The following OPCML variants were observed in gnomAD, a reference collection of about 807,000 sequenced individuals.
OPCML encodes the protein opioid binding protein/cell adhesion molecule like.
OPCML carries 13 observed loss-of-function variants against 37.8 expected under a neutral mutation model. The observed-to-expected ratio is 0.34, with a 90% confidence interval of 0.22 to 0.55. The LOEUF (loss-of-function observed/expected upper bound fraction) is 0.55. OPCML is among the 20% of genes least tolerant of loss of function. OPCML has a pLI of 0.91. For synonymous variants in OPCML, 176 were observed against 168.8 expected (o/e 1.04, Z -0.33); for missense variants, 341 against 435.6 (o/e 0.78, Z 1.93).
chr11:132,662,761 T>A (rs1942039100), intron 2 of OPCML, among the ~76,000 whole-genome samples: 1 of 152,222 alleles, frequency 6.6e-6, no homozygotes, highest in African/African-American at 2.4e-5. Flanking sequence ...ATAAGATGCA[T>A]GTCCGAAAAT....
chr11:132,530,482 G>A (rs2096321628), intron 3 of OPCML, among the ~76,000 whole-genome samples: 1 of 151,750 alleles, frequency 6.6e-6, no homozygotes, highest in Admixed American at 6.6e-5. Context: ...TTCCCTACAT[G>A]TAACCAGAGC....
intron 2 of OPCML, among the ~76,000 whole-genome samples, chr11:132,930,052 A>G (rs1945146515): frequency 6.6e-6 from 1 of 152,170 alleles, no homozygotes; most frequent in African/African-American, 2.4e-5. Context: ...AGCACTGGGC[A>G]TTCTACCTGA....
chr11:132,924,147 G>A lies in OPCML; in HGVS notation c.146+18779C>T, dbSNP rs1565968673. Reference sequence around the variant, plus strand: ...AAACTATGTGTGTGTGTGTGTGTGTGTGTATGTGAAGAGGGACAGAGAGAA... The same window carrying A: ...AAACTATGTGTGTGTGTGTGTGTGTATGTATGTGAAGAGGGACAGAGAGAA... On this transcript the variant is annotated intron_variant, in intron 2 of 7. Coordinates refer to ENST00000524381, the MANE Select transcript of OPCML (RefSeq NM_001012393.5). Among the ~76,000 whole-genome samples the A allele has an allele frequency of 4.0e-5, 6 of 151,854 alleles. No individual in the cohort carries two copies. The South Asian group carries it at 1.0e-3, about 26-fold the overall frequency.
intron 1 of OPCML, among the ~76,000 whole-genome samples, chr11:133,274,285 G>A (rs940779753): frequency 6.6e-6 from 1 of 152,154 alleles, no homozygotes; most frequent in Non-Finnish European, 1.5e-5. Flanking sequence ...ATAGAGTCTT[G>A]GCAGATGTGA....
intron 1 of OPCML, among the ~76,000 whole-genome samples, chr11:133,217,859 C>A (rs1265374219): frequency 6.6e-6 from 1 of 152,066 alleles, no homozygotes; most frequent in Admixed American, 6.6e-5. Context: ...GCCTGGGCAG[C>A]ATAGGGAGAA....
chr11:133,200,675 A>G (rs951593418), intron 1 of OPCML, among the ~76,000 whole-genome samples: 12 of 152,248 alleles, frequency 7.9e-5, no homozygotes, highest in African/African-American at 2.7e-4. Flanking sequence ...GCCAAATTAC[A>G]ACTTATTTTT....
intron 2 of OPCML, among the ~76,000 whole-genome samples, chr11:132,701,765 TG>T (rs1555176614): frequency 1.0e-4 from 1 of 9,622 alleles, no homozygotes; most frequent in East Asian, 8.0e-4. Context: ...TTGATGATTG[TG>T]TGTGTGTGTG....
At chr11:132,583,431 C>T (rs376711522) in intron 3 of OPCML, among the ~76,000 whole-genome samples, 7 of 151,964 alleles carry the variant, frequency 4.6e-5, no homozygotes, top group Admixed American at 2.6e-4. Context: ...CCTGAGAAAC[C>T]GGGTCTACAG....
At chr11:132,587,522 C>A (rs1281894233) in intron 3 of OPCML, among the ~76,000 whole-genome samples, 1 of 152,200 alleles carries the variant, frequency 6.6e-6, no homozygotes, top group East Asian at 1.9e-4. Flanking sequence ...CTCCCCCAGC[C>A]CACACCAGTG....
intron 2 of OPCML, among the ~76,000 whole-genome samples, chr11:132,807,346 A>T (rs1939076997): frequency 6.6e-6 from 1 of 152,168 alleles, no homozygotes; most frequent in African/African-American, 2.4e-5. Flanking sequence ...ATCACTAGAG[A>T]TCTCCCAAAT....
chr11:133,494,796 C>T (rs1402481072), intron 1 of OPCML, among the ~76,000 whole-genome samples: 7 of 148,550 alleles, frequency 4.7e-5, no homozygotes, highest in Non-Finnish European at 1.0e-4. Flanking sequence ...GGGTGCAGCA[C>T]ACCAACATGG....
intron 2 of OPCML, among the ~76,000 whole-genome samples, chr11:132,738,607 G>C (rs1257464730): frequency 6.6e-6 from 1 of 152,182 alleles, no homozygotes; most frequent in African/African-American, 2.4e-5. Context: ...AGTTTGGGCT[G>C]TGCTCCCTTC....
chr11:132,650,982 C>CAAAG (rs59824421), intron 3 of OPCML, among the ~76,000 whole-genome samples: 1,609 of 152,218 alleles, frequency 0.011, 30 homozygotes, highest in African/African-American at 0.035. Flanking sequence ...AGATTGCTTA[C>CAAAG]AAAGAGTTGA....
chr11:133,451,755 T>C (rs1490948954), intron 1 of OPCML, among the ~76,000 whole-genome samples: 3 of 150,824 alleles, frequency 2.0e-5, no homozygotes, highest in Non-Finnish European at 4.4e-5. Context: ...GGCAGGAGAA[T>C]TGCTTGAACC....
At chr11:132,980,559 T>G (rs1393639653) in intron 1 of OPCML, among the ~76,000 whole-genome samples, 1 of 152,212 alleles carries the variant, frequency 6.6e-6, no homozygotes, top group Non-Finnish European at 1.5e-5. Context: ...TGCCTTGTAA[T>G]GAAGTGTTAG....
intron 2 of OPCML, among the ~76,000 whole-genome samples, chr11:132,708,796 T>C (rs1427207201): frequency 1.3e-5 from 2 of 152,164 alleles, no homozygotes; most frequent in East Asian, 1.9e-4. Flanking sequence ...ACACAAACAA[T>C]AAAATCTTTT....
At chr11:132,688,699 A>AAAAGCTCCTT (rs368503929) in intron 2 of OPCML, among the ~76,000 whole-genome samples, 1 of 109,090 alleles carries the variant, frequency 9.2e-6, no homozygotes, top group African/African-American at 3.7e-5. Flanking sequence ...ATAAAAATAG[A>AAAAGCTCCTT]TTGGGAGGCC....
At chr11:132,793,542 G>T (rs1320763762) in intron 2 of OPCML, among the ~76,000 whole-genome samples, 1 of 152,164 alleles carries the variant, frequency 6.6e-6, no homozygotes, top group Admixed American at 6.5e-5. Context: ...GGCAGGATTA[G>T]CACCAACTAG....
At chr11:132,786,420 T>C (rs994171090) in intron 2 of OPCML, among the ~76,000 whole-genome samples, 6 of 152,204 alleles carry the variant, frequency 3.9e-5, no homozygotes, top group Middle Eastern at 3.2e-3. Flanking sequence ...AACTTTTGGA[T>C]AACTCAAATA....
Sources: allele counts gnomAD v4.1 joint callset (sites outside exome capture counted in the v4.1 genomes callset), GRCh38; gene constraint gnomAD v4.1.1; transcripts MANE v1.5; gene names NCBI Gene and HGNC (gene_info 2026-07-23, HGNC 2026-07-21).